Variants in RMDN1 observed in about 807,000 individuals in gnomAD.
RMDN1 encodes regulator of microtubule dynamics 1, also known as regulator of microtubule dynamics protein 1.
Under a neutral mutation model 48.9 loss-of-function variants are expected in RMDN1, and 48 were observed. That is an observed-to-expected ratio of 0.98 (90% CI 0.78 to 1.25). The LOEUF is 1.25. Among genes scored for constraint, RMDN1 ranks in the 50% most tolerant of loss-of-function variants. RMDN1 has a pLI of 0.00. For synonymous variants in RMDN1, 148 were observed against 132.6 expected (o/e 1.12, Z -0.80); for missense variants, 418 against 373.4 (o/e 1.12, Z -0.98).
chr8:86,505,109 C>T, intron 2 of RMDN1: 2 of 1,360,700 alleles, frequency 1.5e-6, no homozygotes, highest in Non-Finnish European at 1.9e-6. Context: ...GGGAAAGCCA[C>T]CTCTCCCTGA....
Position 86,488,659 on chromosome 8 carries a change from A to G in RMDN1, c.248-20T>C, listed in dbSNP as rs1018238262. 1.3e-6 allele frequency: 2 copies of G among 1,554,124 alleles called. No individual in the cohort carries two copies. The highest frequency in any genetic ancestry group is 2.7e-5 in the African/African-American group (2 of 73,372). On this transcript the variant is annotated intron_variant, in intron 2 of 9. Coordinates refer to ENST00000406452, the MANE Select transcript of RMDN1 (RefSeq NM_016033.3). The stretch of plus-strand genomic sequence containing the variant: ...CTTCAACTTCAAAGATTATAAAGGA[A>G]AAAAGACACAATAAAATAGGTCTTC...
intron 2 of RMDN1, among the ~76,000 whole-genome samples, chr8:86,489,617 G>A (rs1176159376): frequency 1.3e-5 from 2 of 152,028 alleles, no homozygotes; most frequent in African/African-American, 2.4e-5. Flanking sequence ...GGACCACCAC[G>A]TCAGGAGATT....
At chr8:86,495,253 C>T (rs1275742038) in intron 2 of RMDN1, among the ~76,000 whole-genome samples, 2 of 152,138 alleles carry the variant, frequency 1.3e-5, no homozygotes, top group Non-Finnish European at 2.9e-5. Context: ...TTCCTGGCAC[C>T]TAGAAGCTCC....
At chr8:86,493,221 G>C (rs2130982258) in intron 2 of RMDN1, among the ~76,000 whole-genome samples, 1 of 151,982 alleles carries the variant, frequency 6.6e-6, no homozygotes, top group African/African-American at 2.4e-5. Flanking sequence ...TTTTTTTGTT[G>C]TTTTAAGAAA....
At chr8:86,508,714 G>GCCCA, upstream of RMDN1, 1 of 1,336,728 alleles carries the variant, frequency 7.5e-7, no homozygotes, top group Non-Finnish European at 9.5e-7. Flanking sequence ...AAAGAACCGC[G>GCCCA]CCCGCCCGCC....
chr8:86,469,248 T>A (rs1812352129), downstream of RMDN1, among the ~76,000 whole-genome samples: 1 of 151,548 alleles, frequency 6.6e-6, no homozygotes, highest in South Asian at 2.1e-4. Flanking sequence ...TTTCCCCTGA[T>A]GACTTCTGTT....
In RMDN1 at chr8:86,507,053, C is replaced by T; in HGVS notation, c.189G>A (p.Leu63=). 1 of 1,613,504 alleles carries T rather than the reference C, an allele frequency of 6.2e-7. No homozygotes were observed. Among genetic ancestry groups the T allele is most frequent in the Non-Finnish European group, 8.5e-7 (1 of 1,179,508 alleles). ...RGLLLSALSY[L]GFETYQVISQ... ...AGATAACCTGGTAAGTTTCAAAACC[C>T]AAATACGACAAAGCTGAGAGTAAAA... The change falls in exon 2 of 10, where the codon TTG becomes TTA. Residue 63 remains leucine, a synonymous_variant. Transcript: ENST00000406452.
At chr8:86,470,836 C>A (rs1253577871), downstream of RMDN1, among the ~76,000 whole-genome samples, 1 of 151,996 alleles carries the variant, frequency 6.6e-6, no homozygotes, top group Admixed American at 6.6e-5. Flanking sequence ...TTATGGAGAA[C>A]AGATTAGTGC....
At chr8:86,489,567 C>G (rs562172761) in intron 2 of RMDN1, among the ~76,000 whole-genome samples, 2 of 152,166 alleles carry the variant, frequency 1.3e-5, no homozygotes, top group South Asian at 4.1e-4. Flanking sequence ...TGCGGTGGCT[C>G]ACATCTGTAA....
intron 2 of RMDN1, chr8:86,504,047 T>A: frequency 1.2e-6 from 1 of 829,582 alleles, no homozygotes; most frequent in Non-Finnish European, 2.2e-6. Context: ...TTTGGCACTC[T>A]CAACCAGCTG....
rs560918269 is a variant in RMDN1, at chr8:86,484,772, T to C, written c.585+100A>G. 91 of 587,490 alleles carry C rather than the reference T, an allele frequency of 1.5e-4. No homozygotes were observed. In the South Asian group the frequency reaches 1.7e-3, roughly 11 times the overall value. The allele number at this position is 587,490 out of a possible 1,614,324, so 36.4% of individuals were successfully genotyped here. The stretch of plus-strand genomic sequence containing the variant: ...CTGTCATGGCTCTACTCCACTGTTA[T>C]CATAGGTGGTTTGATATACAGCAAT... On this transcript the variant is annotated intron_variant, in intron 5 of 9. Coordinates refer to ENST00000406452, the MANE Select transcript of RMDN1 (RefSeq NM_016033.3).
intron 2 of RMDN1, among the ~76,000 whole-genome samples, chr8:86,500,852 C>T (rs1236187370): frequency 6.6e-6 from 1 of 152,092 alleles, no homozygotes; most frequent in Admixed American, 6.6e-5. Context: ...CCATGGAATA[C>T]TATAAAGCCA....
chr8:86,499,240 G>A (rs1438725028), intron 2 of RMDN1, among the ~76,000 whole-genome samples: 2 of 152,012 alleles, frequency 1.3e-5, no homozygotes, highest in African/African-American at 4.8e-5. Context: ...AGAAAGAAAG[G>A]AAAGGCATCC....
In RMDN1 at chr8:86,508,624, C is replaced by T; in HGVS notation, c.-4G>A. 1 of 1,598,860 alleles carries T rather than the reference C, an allele frequency of 6.3e-7. No homozygotes were observed. Among genetic ancestry groups the T allele is most frequent in the East Asian group, 2.3e-5 (1 of 44,136 alleles). On this transcript the variant is annotated 5_prime_UTR_variant, in exon 1 of 10. Transcript: ENST00000406452. ...ACAGTCGAGCAGCCAGCGCCATGAC[C>T]TGCAACTTGCGGGCTGACCCTGCAC...
chr8:86,472,394 C>A lies in RMDN1; in HGVS notation c.*1914G>T, dbSNP rs1034386667. ...TATTCGGTCTCCCTAAAGGAAAAAA[C>A]CCATTTTAAAAAGCCATCCAGCAGA... On this transcript the variant is annotated 3_prime_UTR_variant, in exon 10 of 10. Transcript: ENST00000406452. 1.7e-5 allele frequency: 12 copies of A among 702,144 alleles called. No homozygotes were observed. Among genetic ancestry groups the A allele is most frequent in the African/African-American group, 5.2e-5 (3 of 57,228 alleles). The allele number at this position is 702,144 out of a possible 1,614,324, so 43.5% of individuals were successfully genotyped here.
At chr8:86,489,043 C>T (rs1173910772) in intron 2 of RMDN1, among the ~76,000 whole-genome samples, 3 of 151,882 alleles carry the variant, frequency 2.0e-5, no homozygotes, top group Non-Finnish European at 2.9e-5. Flanking sequence ...GCCTAGGGGC[C>T]GCAGGTTGGA....
chr8:86,468,494 A>G, downstream of RMDN1: 1 of 418,014 alleles, frequency 2.4e-6, no homozygotes, highest in Non-Finnish European at 4.7e-6. Context: ...GCCTTCAAAA[A>G]GGACTGCGTA....
intron 5 of RMDN1, among the ~76,000 whole-genome samples, chr8:86,483,181 CT>C (rs1814860620): frequency 6.6e-6 from 1 of 152,080 alleles, no homozygotes; most frequent in South Asian, 2.1e-4. Context: ...TATAAATGAT[CT>C]TTTTTATATG....
intron 2 of RMDN1, chr8:86,504,351 C>T (rs1234268255): frequency 3.2e-6 from 5 of 1,577,534 alleles, no homozygotes; most frequent in Admixed American, 1.7e-5. Flanking sequence ...AGCAAGTCAC[C>T]GTGCTGGAGT....
Sources: gnomAD v4.1 joint callset for allele counts (sites outside exome capture counted in the v4.1 genomes callset) on GRCh38, gnomAD v4.1.1 for gene constraint, MANE v1.5 for transcripts, NCBI Gene and HGNC (gene_info 2026-07-23, HGNC 2026-07-21) for gene names.